Variants in CDH4 observed in about 807,000 individuals in gnomAD.
CDH4 encodes the protein cadherin-4.
A neutral mutation model predicts 86.0 loss-of-function variants in CDH4; 33 were observed. That is an observed-to-expected ratio of 0.38 (90% CI 0.29 to 0.51). The LOEUF (loss-of-function observed/expected upper bound fraction) is 0.51. Ranked by LOEUF, CDH4 falls within the 20% of genes least tolerant of loss-of-function variation. The probability of loss-of-function intolerance (pLI) is 0.86; values close to 1 mark genes in which losing one functional copy is unlikely to be tolerated. For missense variants in CDH4, 1,114 were observed against 1,307.4 expected (o/e 0.85, Z 2.28); for synonymous variants, 555 against 549.4 (o/e 1.01, Z -0.14).
chr20:61,570,267 TGTAC>T lies in CDH4; in HGVS notation c.170-173293_170-173290del, dbSNP rs2086331942. ...GAGAAGCTGTTTGTATGCACCTGTA[TGTAC>T]GTGCCTTACTTAAAATTCAGAAAGA... On this transcript the variant is annotated intron_variant, in intron 2 of 15. Coordinates refer to ENST00000614565, the MANE Select transcript of CDH4 (RefSeq NM_001794.5). 3 of 207,010 alleles carry T rather than the reference TGTAC, an allele frequency of 1.4e-5. No homozygotes were observed. In the South Asian group the frequency reaches 3.0e-4, roughly 20 times the overall value. 12.8% of individuals were successfully genotyped at this position (207,010 alleles called of 1,614,324 possible). A position where few individuals can be genotyped will look rare whatever the true frequency, so the allele number is the denominator to read the frequency against.
chr20:61,878,961 C>A (rs577724230), intron 7 of CDH4, among the ~76,000 whole-genome samples: 1 of 152,256 alleles, frequency 6.6e-6, no homozygotes, highest in Non-Finnish European at 1.5e-5. Context: ...CCTTCGCCCA[C>A]CTCCTGGGGA....
At chr20:61,420,203 G>A (rs1345218895) in intron 2 of CDH4, among the ~76,000 whole-genome samples, 1 of 152,268 alleles carries the variant, frequency 6.6e-6, no homozygotes, top group Non-Finnish European at 1.5e-5. Context: ...TCTGCCCCGA[G>A]AGCAAGCCTC....
chr20:61,283,430 G>C (rs1266320034), intron 2 of CDH4, among the ~76,000 whole-genome samples: 1 of 138,776 alleles, frequency 7.2e-6, no homozygotes. Flanking sequence ...GTTTGCACGC[G>C]TGTGCTGTGG....
chr20:61,768,878 A>C (rs943557725), intron 3 of CDH4, among the ~76,000 whole-genome samples: 8 of 152,252 alleles, frequency 5.3e-5, no homozygotes, highest in Admixed American at 2.0e-4. Context: ...GCTCATACTA[A>C]GCAAATGAAA....
chr20:61,528,080 A>G (rs2085923688), intron 2 of CDH4, among the ~76,000 whole-genome samples: 1 of 152,108 alleles, frequency 6.6e-6, no homozygotes, highest in African/African-American at 2.4e-5. Context: ...AACTTTAAAA[A>G]AGAAGAAAAA....
At chr20:61,866,730 G>A (rs567004898) in intron 6 of CDH4, among the ~76,000 whole-genome samples, 1 of 152,330 alleles carries the variant, frequency 6.6e-6, no homozygotes, top group Admixed American at 6.5e-5. Context: ...GTTTCCCGGT[G>A]AGCGTGTGCT....
intron 9 of CDH4, among the ~76,000 whole-genome samples, chr20:61,920,568 G>A (rs1026991415): frequency 6.6e-6 from 1 of 151,220 alleles, no homozygotes; most frequent in Admixed American, 6.6e-5. Flanking sequence ...TGGTGATTGT[G>A]TGGAAATGTG....
chr20:61,348,391 T>G (rs1174587485), intron 2 of CDH4, among the ~76,000 whole-genome samples: 1 of 152,148 alleles, frequency 6.6e-6, no homozygotes, highest in Non-Finnish European at 1.5e-5. Context: ...GTCCCTCCCA[T>G]GACACATGGG....
chr20:61,274,767 G>A (rs1239661130), intron 2 of CDH4, among the ~76,000 whole-genome samples: 1 of 133,922 alleles, frequency 7.5e-6, no homozygotes, highest in Non-Finnish European at 1.6e-5. Flanking sequence ...GGGCAGTACT[G>A]TGTGCAGTTT....
chr20:61,555,770 A>G (rs1186799444), intron 2 of CDH4, among the ~76,000 whole-genome samples: 3 of 152,214 alleles, frequency 2.0e-5, no homozygotes, highest in Non-Finnish European at 4.4e-5. Flanking sequence ...TTTAAATCAC[A>G]CATAATGTTC....
intron 2 of CDH4, among the ~76,000 whole-genome samples, chr20:61,388,906 A>AT (rs1384921278): frequency 5.3e-5 from 8 of 152,140 alleles, no homozygotes; most frequent in Admixed American, 2.0e-4. Flanking sequence ...TTCTGTTTCG[A>AT]TTTTTTTACA....
chr20:61,383,123 A>C lies in CDH4; in HGVS notation c.169+128186A>C, dbSNP rs185200172. ...TGAATATATTATATATAGAATATATATGAATATATTATATATATGAATATA... is the reference window on the plus strand; with the variant it reads ...TGAATATATTATATATAGAATATATCTGAATATATTATATATATGAATATA... On this transcript the variant is annotated intron_variant, in intron 2 of 15. Transcript: ENST00000614565. Among the ~76,000 whole-genome samples, 6 of 89,232 alleles carry C rather than the reference A, an allele frequency of 6.7e-5. 1 individual carries two copies. In the South Asian group the frequency reaches 1.6e-3, roughly 24 times the overall value. 58.5% of individuals were successfully genotyped at this position (89,232 alleles called of 152,430 possible).
chr20:61,760,746 T>C (rs1029296463), intron 3 of CDH4, among the ~76,000 whole-genome samples: 2 of 152,242 alleles, frequency 1.3e-5, no homozygotes, highest in Non-Finnish European at 2.9e-5. Context: ...TATGGGAATT[T>C]TCAAAATGAT....
At chr20:61,733,251 G>T (rs1473192242) in intron 2 of CDH4, among the ~76,000 whole-genome samples, 3 of 152,102 alleles carry the variant, frequency 2.0e-5, no homozygotes, top group African/African-American at 7.2e-5. Context: ...AGCAAGTTCC[G>T]GGCAGTGGCA....
At chr20:61,275,004 G>T (rs1600825052) in intron 2 of CDH4, among the ~76,000 whole-genome samples, 1 of 145,964 alleles carries the variant, frequency 6.9e-6, no homozygotes, top group African/African-American at 2.6e-5. Context: ...GCAGTTTGGG[G>T]AAGCACCATG....
At chr20:61,410,641 A>T (rs1339462480) in intron 2 of CDH4, among the ~76,000 whole-genome samples, 1 of 150,258 alleles carries the variant, frequency 6.7e-6, no homozygotes, top group Non-Finnish European at 1.5e-5. Context: ...TGGTCCATCC[A>T]TCCATCCATC....
intron 4 of CDH4, among the ~76,000 whole-genome samples, chr20:61,823,696 T>C (rs977039950): frequency 1.3e-5 from 2 of 152,182 alleles, no homozygotes; most frequent in African/African-American, 4.8e-5. Context: ...TCACCGTGAA[T>C]TTGTATATTT....
intron 4 of CDH4, among the ~76,000 whole-genome samples, chr20:61,838,050 G>A (rs535541153): frequency 3.1e-4 from 47 of 151,994 alleles, no homozygotes; most frequent in Admixed American, 1.7e-3. Context: ...TCTGGGTCTC[G>A]GGGTGGCCTT....
intron 4 of CDH4, among the ~76,000 whole-genome samples, chr20:61,809,267 TG>T (rs1362124747): frequency 6.6e-6 from 1 of 151,988 alleles, no homozygotes; most frequent in Non-Finnish European, 1.5e-5. Flanking sequence ...GGCGGGATGA[TG>T]GGTGTGATGT....
Sources: allele counts gnomAD v4.1 joint callset (sites outside exome capture counted in the v4.1 genomes callset), GRCh38; gene constraint gnomAD v4.1.1; transcripts MANE v1.5; gene names NCBI Gene and HGNC (gene_info 2026-07-23, HGNC 2026-07-21).